Variants in CDH19 observed in about 807,000 individuals in gnomAD.
CDH19 encodes the protein cadherin 19, also known as cadherin-19.
A neutral mutation model predicts 64.2 loss-of-function variants in CDH19; 67 were observed. The ratio of observed to expected loss-of-function variants is 1.04; its 90% confidence interval spans 0.86 to 1.28. The LOEUF (loss-of-function observed/expected upper bound fraction) is 1.28, where lower values mean the gene tolerates loss of function less well. Ranked by LOEUF, CDH19 falls within the 50% of genes most tolerant of loss-of-function variation. The pLI, the probability that CDH19 is intolerant of heterozygous loss-of-function variation, is 0.00. For missense variants in CDH19, 1,030 were observed against 929.0 expected (o/e 1.11, Z -1.41); for synonymous variants, 346 against 319.3 (o/e 1.08, Z -0.89).
At chr18:66,557,064 T>A (rs1372978578) in intron 3 of CDH19, among the ~76,000 whole-genome samples, 1 of 151,980 alleles carries the variant, frequency 6.6e-6, no homozygotes, top group Non-Finnish European at 1.5e-5. Flanking sequence ...CACTACTGGG[T>A]ATTTATTTAA....
chr18:66,573,629 GA>G (rs1333491446), intron 1 of CDH19, among the ~76,000 whole-genome samples: 1 of 90,016 alleles, frequency 1.1e-5, no homozygotes, highest in Non-Finnish European at 2.2e-5. Context: ...TCATGAAAAA[GA>G]TTTTTTTTAT....
chr18:66,568,479 C>T lies in CDH19; in HGVS notation c.427G>A (p.Asp143Asn). 6.2e-7 allele frequency: 1 copy of T among 1,612,186 alleles called. No individual in the cohort carries two copies. The highest frequency in any genetic ancestry group is 1.1e-5 in the South Asian group (1 of 91,048). Residue 143 changes from aspartate (D) to asparagine (N), a missense_variant, in exon 3 of 12, where the codon GAC (aspartate) becomes AAC (asparagine). Asp to Asn is a conservative substitution (Grantham distance 23, BLOSUM62 1). Transcript: ENST00000262150. Reference sequence around the variant, plus strand: ...TCATCTAGGAATTTTGGTTCATTGTCATTGATATCCGAAACTTTGATGACA... The same window carrying T: ...TCATCTAGGAATTTTGGTTCATTGTTATTGATATCCGAAACTTTGATGACA... ...EFVIKVSDIN[D>N]NEPKFLDEPY... is the part of the protein sequence containing the mutation.
chr18:66,506,812 G>A (rs1003699453), intron 11 of CDH19, among the ~76,000 whole-genome samples: 3 of 151,750 alleles, frequency 2.0e-5, no homozygotes, highest in African/African-American at 7.3e-5. Context: ...GTATCACAAA[G>A]AGAAATATGT....
chr18:66,567,599 G>A (rs1987956224), intron 3 of CDH19, among the ~76,000 whole-genome samples: 1 of 151,798 alleles, frequency 6.6e-6, no homozygotes, highest in Non-Finnish European at 1.5e-5. Context: ...GATGAAATAT[G>A]TATTTTTGGA....
At chr18:66,526,002 A>G (rs1324213460) in intron 9 of CDH19, among the ~76,000 whole-genome samples, 1 of 152,116 alleles carries the variant, frequency 6.6e-6, no homozygotes, top group Non-Finnish European at 1.5e-5. Flanking sequence ...AGTCAAATTG[A>G]CCTTCCTTTT....
intron 11 of CDH19, among the ~76,000 whole-genome samples, chr18:66,508,115 A>G: frequency 6.6e-6 from 1 of 151,942 alleles, no homozygotes; most frequent in Non-Finnish European, 1.5e-5. Context: ...AAACTAGATA[A>G]CATTATACTA....
Position 66,560,829 on chromosome 18 carries a change from T to G in CDH19, c.491-6305A>C, listed in dbSNP as rs561881602. 2.6e-5 allele frequency among the ~76,000 whole-genome samples: 4 copies of G among 152,192 alleles called. No individual in the cohort carries two copies. The East Asian group carries it at 7.7e-4, about 29-fold the overall frequency. The stretch of plus-strand genomic sequence containing the variant: ...TCTCTCTTCATTCATTTGATGAACA[T>G]TTTATTATGATAGCATTAATACTTG... On this transcript the variant is annotated intron_variant, in intron 3 of 11. Coordinates refer to ENST00000262150, the MANE Select transcript of CDH19 (RefSeq NM_021153.4).
intron 3 of CDH19, among the ~76,000 whole-genome samples, chr18:66,556,001 C>A (rs1315664905): frequency 6.6e-6 from 1 of 151,620 alleles, no homozygotes; most frequent in Non-Finnish European, 1.5e-5. Context: ...GTCTTTAGAG[C>A]CCCTAAGCTA....
intron 3 of CDH19, among the ~76,000 whole-genome samples, chr18:66,556,487 T>C (rs1271521028): frequency 6.6e-6 from 1 of 151,818 alleles, no homozygotes; most frequent in African/African-American, 2.4e-5. Flanking sequence ...TTGAACTTTT[T>C]TTAGATTCCA....
chr18:66,545,889 C>A (rs1987097320), intron 5 of CDH19, among the ~76,000 whole-genome samples: 1 of 150,794 alleles, frequency 6.6e-6, no homozygotes, highest in African/African-American at 2.4e-5. Flanking sequence ...TGATTTGGTC[C>A]TAAGAAATAA....
At chr18:66,585,807 T>C (rs1218997856) in intron 1 of CDH19, among the ~76,000 whole-genome samples, 1 of 152,112 alleles carries the variant, frequency 6.6e-6, no homozygotes, top group Non-Finnish European at 1.5e-5. Flanking sequence ...TTGAATGTCA[T>C]TATTTTTTTT....
At chr18:66,563,219 A>G (rs549078988) in intron 3 of CDH19, among the ~76,000 whole-genome samples, 1 of 152,244 alleles carries the variant, frequency 6.6e-6, no homozygotes, top group East Asian at 1.9e-4. Flanking sequence ...ATTATGGAAT[A>G]CTAAAGTACA....
At chr18:66,513,022 T>C (rs1158600361) in intron 9 of CDH19, among the ~76,000 whole-genome samples, 1 of 151,542 alleles carries the variant, frequency 6.6e-6, no homozygotes, top group Non-Finnish European at 1.5e-5. Flanking sequence ...TTTTTGCATA[T>C]CATGGTGTCC....
chr18:66,577,536 C>T (rs906595810), intron 1 of CDH19, among the ~76,000 whole-genome samples: 1 of 151,956 alleles, frequency 6.6e-6, no homozygotes, highest in Non-Finnish European at 1.5e-5. Flanking sequence ...ATACTTTCAT[C>T]CATACTTTAC....
intron 2 of CDH19, among the ~76,000 whole-genome samples, chr18:66,570,196 A>G (rs949877764): frequency 1.3e-5 from 2 of 151,712 alleles, no homozygotes; most frequent in Middle Eastern, 3.4e-3. Context: ...AATTTATTTG[A>G]TATTATAATG....
At chr18:66,547,617 A>AG (rs1470216851) in intron 5 of CDH19, among the ~76,000 whole-genome samples, 2 of 145,512 alleles carry the variant, frequency 1.4e-5, no homozygotes, top group African/African-American at 5.1e-5. Context: ...AGAGGTTCAG[A>AG]GGAGGGGCAG....
chr18:66,588,162 G>A (rs147956207), intron 1 of CDH19, among the ~76,000 whole-genome samples: 1,568 of 152,052 alleles, frequency 0.01, 12 homozygotes, highest in African/African-American at 0.017. Flanking sequence ...TGCACATCAC[G>A]CTGGTTGTTC....
At chr18:66,572,954 G>T (rs1470100578) in intron 1 of CDH19, among the ~76,000 whole-genome samples, 1 of 151,584 alleles carries the variant, frequency 6.6e-6, no homozygotes, top group Non-Finnish European at 1.5e-5. Context: ...ATCCTCTTAG[G>T]ACAATAAATA....
chr18:66,504,637 C>T lies in CDH19; in HGVS notation c.*175G>A. ...TTACATTTCTCCCCACATCTCTGTT[C>T]AATGACAGCATGTAGGTAGCTTAAA... On this transcript the variant is annotated 3_prime_UTR_variant, in exon 12 of 12. Transcript: ENST00000262150. The T allele has an allele frequency of 3.7e-6, 2 of 547,398 alleles. No homozygotes were observed. The highest frequency in any genetic ancestry group is 6.3e-5 in the Admixed American group (2 of 31,894). 33.9% of individuals were successfully genotyped at this position (547,398 alleles called of 1,614,324 possible).
Sources: gnomAD v4.1 joint callset for allele counts (sites outside exome capture counted in the v4.1 genomes callset) on GRCh38, gnomAD v4.1.1 for gene constraint, MANE v1.5 for transcripts, NCBI Gene and HGNC (gene_info 2026-07-23, HGNC 2026-07-21) for gene names.